Variants in HCCS observed in about 807,000 individuals in gnomAD.
HCCS encodes holocytochrome c-type synthase.
A neutral mutation model predicts 24.2 loss-of-function variants in HCCS; 2 were observed. The ratio of observed to expected loss-of-function variants is 0.08; its 90% confidence interval spans 0.03 to 0.26. The LOEUF (loss-of-function observed/expected upper bound fraction) is 0.26. Among genes scored for constraint, HCCS ranks in the 10% least tolerant of loss-of-function variants. The pLI is 1.00. For missense variants in HCCS, 150 were observed against 213.3 expected (o/e 0.70, Z 1.85); for synonymous variants, 73 against 76.2 (o/e 0.96, Z 0.22).
intron 5 of HCCS, 61 bp from the exon 6 acceptor site, chrX:11,120,846 A>G: frequency 1.0e-6 from 1 of 969,799 alleles, no homozygotes. Flanking sequence ...AAATTAGAAC[A>G]TCATCTTTGT....
chrX:11,120,067 C>T (rs766149233), intron 5 of HCCS: 1 of 314,791 alleles, frequency 3.2e-6, no homozygotes, highest in East Asian at 1.0e-4. Flanking sequence ...AGAAAAGTAA[C>T]TCATAAGTCC....
At chrX:11,121,143 C>A in intron 6 of HCCS, 150 bp downstream of exon 6, 1 of 537,991 alleles carries the variant, frequency 1.9e-6, no homozygotes, top group South Asian at 2.4e-5. Flanking sequence ...TGAGGTTTGC[C>A]CATTAATGGG....
chrX:11,121,546 A>T, intron 6 of HCCS, 66 bp from the exon 7 acceptor site: 1 of 971,440 alleles, frequency 1.0e-6, no homozygotes, highest in Non-Finnish European at 1.5e-6. Context: ...GAGTTTTCTC[A>T]TGGCTTAAAC....
In HCCS at chrX:11,121,680, T is replaced by C; in HGVS notation, c.677T>C (p.Ile226Thr). The C allele has an allele frequency of 8.3e-7, 1 of 1,209,034 alleles. No individual in the cohort carries two copies. The highest frequency in any genetic ancestry group is 1.1e-6 in the Non-Finnish European group (1 of 892,993). Residue 226 changes from isoleucine (I) to threonine (T), a missense_variant, in exon 7 of 7, where the codon ATT becomes ACT. By Grantham distance (89) the Ile-to-Thr change is moderately conservative. Transcript: ENST00000380762. Reference protein sequence around the residue: ...NRCGTEVRYVIDYYDGGEVNK... With the variant: ...NRCGTEVRYVTDYYDGGEVNK... ...TGCGGGACAGAAGTTAGATATGTGATTGATTATTATGATGGTGGTGAAGTC... is the reference window on the plus strand; with the variant it reads ...TGCGGGACAGAAGTTAGATATGTGACTGATTATTATGATGGTGGTGAAGTC...
chrX:11,114,848 T>C lies in HCCS; in HGVS notation c.114T>C (p.Asn38=), dbSNP rs766273723. The C allele has an allele frequency of 2.5e-6, 3 of 1,209,793 alleles. No homozygotes were observed. The highest frequency in any genetic ancestry group is 3.5e-5 in the South Asian group (2 of 56,955). The change falls in exon 3 of 7, where the codon AAT becomes AAC. Residue 38 remains asparagine, a synonymous_variant. Transcript: ENST00000380762. ...TGATTATTTCAGGCTGTCCAGTGAA[T>C]ACAGAGCCATCTGGCCCAACCTGTG... The part of the protein sequence containing the change: ...HEGKMKGCPV[N]TEPSGPTCEK...
In HCCS at chrX:11,118,633, G is replaced by A; in HGVS notation, c.521+13G>A. The A allele has an allele frequency of 8.3e-7, 1 of 1,202,583 alleles. No homozygotes were observed. The highest frequency in any genetic ancestry group is 1.1e-6 in the Non-Finnish European group (1 of 887,069). ...CCCTTCATGCTGCGTAAGTATGTTT[G>A]AGATCTTAAATGTTTCAAGCATCTT... is the stretch of plus-strand genomic sequence containing the variant. On this transcript the variant is annotated intron_variant, in intron 5 of 6. Coordinates refer to ENST00000380762, the MANE Select transcript of HCCS (RefSeq NM_005333.5).
chrX:11,111,732 C>T (rs1463308723), intron 1 of HCCS, among the ~76,000 whole-genome samples: 2 of 112,227 alleles, frequency 1.8e-5, no homozygotes, highest in Non-Finnish European at 3.8e-5. Context: ...GCCCCACTCC[C>T]GCCTCAGGCC....
chrX:11,112,892 A>G (rs1314558270), intron 2 of HCCS, among the ~76,000 whole-genome samples: 2 of 112,586 alleles, frequency 1.8e-5, no homozygotes, highest in Admixed American at 9.3e-5. Context: ...ACATCCTACA[A>G]TGTACAGAAC....
chrX:11,114,281 A>G (rs2045432944), intron 2 of HCCS, among the ~76,000 whole-genome samples: 2 of 112,939 alleles, frequency 1.8e-5, no homozygotes, highest in South Asian at 7.2e-4. Context: ...GACAAAGCAG[A>G]GTGGCATTCA....
At chrX:11,118,964 G>A (rs898735536) in intron 5 of HCCS, among the ~76,000 whole-genome samples, 1 of 111,587 alleles carries the variant, frequency 9.0e-6, no homozygotes, top group Non-Finnish European at 1.9e-5. Flanking sequence ...CTCCTCTGGC[G>A]AGTGGTCATG....
At chrX:11,115,909 C>A (rs991647698) in intron 3 of HCCS, among the ~76,000 whole-genome samples, 2 of 111,799 alleles carry the variant, frequency 1.8e-5, no homozygotes, top group Non-Finnish European at 3.8e-5. Context: ...CAGCGACAGG[C>A]AGCATTATCC....
At chrX:11,116,527 CTT>C (rs1170169683) in intron 3 of HCCS, among the ~76,000 whole-genome samples, 1 of 112,877 alleles carries the variant, frequency 8.9e-6, no homozygotes, top group Admixed American at 9.3e-5. Context: ...CTAGGAAATC[CTT>C]TATACTTCTA....
At chrX:11,117,576 A>G (rs776042321) in intron 4 of HCCS, among the ~76,000 whole-genome samples, 161 bp downstream of exon 4, 1 of 112,053 alleles carries the variant, frequency 8.9e-6, no homozygotes, top group Non-Finnish European at 1.9e-5. Context: ...TAAGTGCGAG[A>G]CCAGTGTATT....
Position 11,118,526 on chromosome X carries a change from A to G in HCCS, c.427A>G (p.Ser143Gly). Residue 143 changes from serine (S) to glycine (G), a missense_variant, in exon 5 of 7, where the codon AGT (serine) becomes GGT (glycine). Transcript: ENST00000380762. ...GTGGAAGTGGAAGGATGAGGATATC[A>G]GTCAGAAGGATATGTATAATATCAT... ...KGWKWKDEDI[S>G]QKDMYNIIRI... 4 of 1,185,870 alleles carry G rather than the reference A, an allele frequency of 3.4e-6. No homozygotes were observed. Among genetic ancestry groups the G allele is most frequent in the Non-Finnish European group, 4.6e-6 (4 of 871,715 alleles).
intron 6 of HCCS, 89 bp from the exon 7 acceptor site, chrX:11,121,523 G>C: frequency 1.3e-6 from 1 of 741,405 alleles, no homozygotes; most frequent in Admixed American, 2.2e-5. Flanking sequence ...GCAGGTGTTT[G>C]CATGTGCTTC....
rs1424967324 is a variant in HCCS, at chrX:11,121,921, A to G, written c.*111A>G. 8 of 615,536 alleles carry G rather than the reference A, an allele frequency of 1.3e-5. No individual in the cohort carries two copies. The East Asian group carries it at 2.5e-4, about 19-fold the overall frequency. 50.7% of individuals were successfully genotyped at this position (615,536 alleles called of 1,213,427 possible). The stretch of plus-strand genomic sequence containing the variant: ...ATGTAATGGGAACTTCAAGTGGGTA[A>G]TCACACTTTTTCCTTCACTTAACGA... On this transcript the variant is annotated 3_prime_UTR_variant, in exon 7 of 7. Transcript: ENST00000380762.
intron 5 of HCCS, 149 bp downstream of exon 5, chrX:11,118,769 C>T (rs1039426007): frequency 1.6e-6 from 1 of 606,248 alleles, no homozygotes; most frequent in African/African-American, 2.2e-5. Context: ...ACAGGCCACC[C>T]TTCTTAGTTG....
Position 11,121,803 on chromosome X carries a change from C to A in HCCS, c.800C>A (p.Thr267Asn). 5.0e-6 allele frequency: 6 copies of A among 1,197,950 alleles called. No individual in the cohort carries two copies. The highest frequency in any genetic ancestry group is 6.8e-6 in the Non-Finnish European group (6 of 883,470). The change falls in exon 7 of 7, where the codon ACC (threonine) becomes AAC (asparagine). Residue 267 changes from threonine (T) to asparagine (N), a missense_variant. Transcript: ENST00000380762. ...ATGAAAGTCGCTTGGTGGCGTTGGA[C>A]CTCGTAAAGCACTGTTTCAGATGGA... ...DRMKVAWWRW[T>N]S
In HCCS at chrX:11,121,597, A is replaced by G. The variant is rs1323620714; in HGVS notation, c.609-15A>G. On this transcript the variant is annotated splice_polypyrimidine_tract_variant and intron_variant, in intron 6 of 6. Transcript: ENST00000380762. ...TGCAAGCATTTTAACACTCAGTGGC[A>G]TGTTTTTATTCCAGGTATGAGTTGC... 2.5e-6 allele frequency: 3 copies of G among 1,189,166 alleles called. No homozygotes were observed. Among genetic ancestry groups the G allele is most frequent in the African/African-American group, 1.8e-5 (1 of 56,977 alleles).
Sources: gnomAD v4.1 joint callset for allele counts (sites outside exome capture counted in the v4.1 genomes callset) on GRCh38, gnomAD v4.1.1 for gene constraint, MANE v1.5 for transcripts, NCBI Gene and HGNC (gene_info 2026-07-23, HGNC 2026-07-21) for gene names.